Variants in COP1 observed in about 807,000 individuals in gnomAD.
COP1 encodes the protein COP1 E3 ubiquitin ligase.
In COP1, 24 loss-of-function variants were observed where a neutral mutation model predicts 101.3. The observed-to-expected ratio is 0.24, with a 90% CI of 0.17 to 0.33. The LOEUF is 0.33. Ranked by LOEUF, COP1 falls within the 10% of genes least tolerant of loss-of-function variation. The pLI is 1.00. For missense variants in COP1, 663 were observed against 906.2 expected (o/e 0.73, Z 3.45); for synonymous variants, 347 against 341.9 (o/e 1.01, Z -0.17).
intron 11 of COP1, among the ~76,000 whole-genome samples, chr1:176,075,347 C>T (rs1434465000): frequency 6.6e-6 from 1 of 152,166 alleles, no homozygotes; most frequent in African/African-American, 2.4e-5. Context: ...ATTTTAAGAT[C>T]TTCATATACA....
At chr1:176,152,575 G>A (rs953617580) in intron 5 of COP1, among the ~76,000 whole-genome samples, 3 of 151,916 alleles carry the variant, frequency 2.0e-5, no homozygotes, top group African/African-American at 7.3e-5. Flanking sequence ...GGCCTCCCAA[G>A]TAGCTGGGAT....
At chr1:175,979,898 G>C (rs940587849) in intron 18 of COP1, among the ~76,000 whole-genome samples, 5 of 152,124 alleles carry the variant, frequency 3.3e-5, no homozygotes, top group Admixed American at 6.6e-5. Flanking sequence ...CAAGCTTGAA[G>C]TGTTGTATCG....
intron 15 of COP1, among the ~76,000 whole-genome samples, chr1:176,003,238 T>C (rs1662218148): frequency 6.6e-6 from 1 of 152,224 alleles, no homozygotes; most frequent in Non-Finnish European, 1.5e-5. Context: ...TCATTCTAGA[T>C]TCTGGATATT....
chr1:176,061,215 G>A (rs4601543), intron 11 of COP1, among the ~76,000 whole-genome samples: 16,391 of 151,952 alleles, frequency 0.11, 985 homozygotes, highest in Middle Eastern at 0.16. Flanking sequence ...AGAACAGACA[G>A]TTAAGTAGAC....
chr1:176,200,849 G>C (rs1700194509), intron 1 of COP1, among the ~76,000 whole-genome samples: 1 of 152,140 alleles, frequency 6.6e-6, no homozygotes, highest in Non-Finnish European at 1.5e-5. Context: ...AATGCTTACA[G>C]AATTTTGTCC....
chr1:176,122,004 G>C (rs909856094), intron 8 of COP1, among the ~76,000 whole-genome samples: 1 of 151,950 alleles, frequency 6.6e-6, no homozygotes, highest in African/African-American at 2.4e-5. Flanking sequence ...GCCGGGCATG[G>C]TGGCGGGCGC....
At chr1:176,000,121 C>G (rs952033635) in intron 15 of COP1, among the ~76,000 whole-genome samples, 2 of 151,930 alleles carry the variant, frequency 1.3e-5, no homozygotes, top group Non-Finnish European at 2.9e-5. Context: ...TGATATGATC[C>G]CATTTGTCCA....
intron 18 of COP1, among the ~76,000 whole-genome samples, chr1:175,954,428 C>T (rs1325830940): frequency 2.0e-5 from 3 of 151,322 alleles, no homozygotes; most frequent in Non-Finnish European, 2.9e-5. Context: ...GAGCAGAAAT[C>T]AAAATAAAAC....
At chr1:176,151,531 T>C (rs570400911) in intron 5 of COP1, among the ~76,000 whole-genome samples, 10 of 152,350 alleles carry the variant, frequency 6.6e-5, no homozygotes, top group African/African-American at 2.4e-4. Flanking sequence ...GTATCTGCTA[T>C]GTGACATGAA....
intron 9 of COP1, among the ~76,000 whole-genome samples, chr1:176,095,972 T>C (rs1016945954): frequency 2.6e-5 from 4 of 152,234 alleles, no homozygotes; most frequent in African/African-American, 9.6e-5. Flanking sequence ...TTTACTATTC[T>C]GTGACAAAAT....
chr1:176,027,128 C>G (rs910275528), intron 15 of COP1, among the ~76,000 whole-genome samples: 1 of 152,132 alleles, frequency 6.6e-6, no homozygotes, highest in Admixed American at 6.5e-5. Context: ...TGATACAAGA[C>G]TATGTCTTAT....
At chr1:176,201,552 A>C (rs541265426) in intron 1 of COP1, among the ~76,000 whole-genome samples, 1 of 152,344 alleles carries the variant, frequency 6.6e-6, no homozygotes, top group Admixed American at 6.5e-5. Flanking sequence ...TGTAAAAGGA[A>C]AAGATAACTG....
At chr1:176,163,503 G>C (rs1572620326) in intron 4 of COP1, among the ~76,000 whole-genome samples, 1 of 152,126 alleles carries the variant, frequency 6.6e-6, no homozygotes, top group South Asian at 2.1e-4. Context: ...TTATAGGTGT[G>C]AGCCCAACCT....
At chr1:176,204,681 T>G (rs1364609781) in intron 1 of COP1, among the ~76,000 whole-genome samples, 1 of 152,174 alleles carries the variant, frequency 6.6e-6, no homozygotes, top group Non-Finnish European at 1.5e-5. Context: ...CCCAGCACCT[T>G]GGGAGGCCGA....
At position 176,206,934 on chromosome 1, in the gene COP1, G is replaced by A. The variant is rs1261838403; in HGVS notation, c.45C>T (p.Ser15=). ...RQAGSGSAGT[S]PGSSAASSVT... is the part of the protein sequence containing the mutation. ...CCGAGGAGGCCGCCGAGGACCCGGG[G>A]CTTGTCCCAGCGGAGCCCGACCCGG... Residue 15 remains serine (S), a synonymous_variant, in exon 1 of 20, where the codon AGC becomes AGT. Coordinates refer to ENST00000367669, the MANE Select transcript of COP1 (RefSeq NM_022457.7). 5 of 1,459,498 alleles carry A rather than the reference G, an allele frequency of 3.4e-6. No individual in the cohort carries two copies. The Admixed American group carries it at 9.9e-5, about 29-fold the overall frequency. The allele number at this position is 1,459,498 out of a possible 1,614,324, so 90.4% of individuals were successfully genotyped here. A position where few individuals can be genotyped will look rare whatever the true frequency, so the allele number is the denominator to read the frequency against.
chr1:175,958,369 C>T (rs1383121913), intron 18 of COP1, among the ~76,000 whole-genome samples: 1 of 33,674 alleles, frequency 3.0e-5, no homozygotes, highest in Non-Finnish European at 3.5e-4. Context: ...ATCTCTGTAA[C>T]CATTCAGGTA....
At chr1:176,000,999 C>T (rs1478875199) in intron 15 of COP1, among the ~76,000 whole-genome samples, 1 of 151,966 alleles carries the variant, frequency 6.6e-6, no homozygotes, top group Non-Finnish European at 1.5e-5. Flanking sequence ...TATGGCCATA[C>T]ATATTACATC....
intron 2 of COP1, among the ~76,000 whole-genome samples, chr1:176,179,611 C>G (rs1178126274): frequency 6.6e-6 from 1 of 151,968 alleles, no homozygotes; most frequent in African/African-American, 2.4e-5. Flanking sequence ...GCAGTCTGTC[C>G]CTGTGATCCT....
intron 18 of COP1, among the ~76,000 whole-genome samples, chr1:175,979,491 T>C (rs1216671949): frequency 2.1e-5 from 2 of 93,852 alleles, no homozygotes; most frequent in Non-Finnish European, 5.1e-5. Flanking sequence ...GGAAAGTAGA[T>C]ATGCCTTTAA....
Sources: allele counts gnomAD v4.1 joint callset (sites outside exome capture counted in the v4.1 genomes callset), GRCh38; gene constraint gnomAD v4.1.1; transcripts MANE v1.5; gene names NCBI Gene and HGNC (gene_info 2026-07-23, HGNC 2026-07-21).